IQUB: variants seen among roughly 807,000 people sequenced by gnomAD.
IQUB encodes IQ motif and ubiquitin-like domain-containing protein.
IQUB carries 86 observed loss-of-function variants against 86.4 expected under a neutral mutation model. The ratio of observed to expected loss-of-function variants is 1.00; its 90% CI spans 0.84 to 1.19. IQUB has a LOEUF of 1.19. Among genes scored for constraint, IQUB ranks in the 50% most tolerant of loss-of-function variants. The pLI, the probability that IQUB is intolerant of heterozygous loss-of-function variation, is 0.00. For missense variants in IQUB, 946 were observed against 916.9 expected (o/e 1.03, Z -0.41); for synonymous variants, 289 against 304.5 (o/e 0.95, Z 0.53).
intron 8 of IQUB, among the ~76,000 whole-genome samples, chr7:123,476,458 A>T (rs1563439644): frequency 6.6e-6 from 1 of 152,096 alleles, no homozygotes; most frequent in Non-Finnish European, 1.5e-5. Flanking sequence ...GTATTCAGGG[A>T]GAGATGGCAG....
At chr7:123,507,103 C>A (rs1239462662) in intron 3 of IQUB, among the ~76,000 whole-genome samples, 1 of 152,158 alleles carries the variant, frequency 6.6e-6, no homozygotes, top group East Asian at 1.9e-4. Flanking sequence ...GTGAACACTG[C>A]AAAAGGTTTA....
At chr7:123,453,452 T>C (rs918352252) in intron 12 of IQUB, among the ~76,000 whole-genome samples, 1 of 149,732 alleles carries the variant, frequency 6.7e-6, no homozygotes, top group South Asian at 2.1e-4. Flanking sequence ...TAATTATATA[T>C]ATATAATTGA....
Position 123,502,735 on chromosome 7 carries a change from T to C in IQUB, c.885A>G (p.Lys295=). ...TTGTATTTGTAGTTTGTTGGAGATT[T>C]TTTTTCTGAAAAACTGTCTAAAAGA... The part of the protein sequence containing the change: ...CRDTQTVFQK[K]NLQQTTNTTS... The change falls in exon 6 of 13, where the codon AAA becomes AAG. Residue 295 remains lysine, a synonymous_variant. Coordinates refer to ENST00000324698, the MANE Select transcript of IQUB (RefSeq NM_178827.5). 1.2e-6 allele frequency: 2 copies of C among 1,602,636 alleles called. No individual in the cohort carries two copies. The highest frequency in any genetic ancestry group is 1.7e-6 in the Non-Finnish European group (2 of 1,175,826).
Position 123,503,121 on chromosome 7 carries a change from G to A in IQUB, c.695-5C>T. 1 of 1,611,302 alleles carries A rather than the reference G, an allele frequency of 6.2e-7. No homozygotes were observed. The highest frequency in any genetic ancestry group is 8.5e-7 in the Non-Finnish European group (1 of 1,178,894). ...CCTGCTGGTATTGATCAAGTCCTGA[G>A]AGATAACACCAAGATTCAATGAAAG... is the stretch of plus-strand genomic sequence containing the variant. On this transcript the variant is annotated splice_region_variant and splice_polypyrimidine_tract_variant and intron_variant, in intron 4 of 12. Transcript: ENST00000324698.
At chr7:123,453,286 T>TATATA (rs1300312483) in intron 12 of IQUB, among the ~76,000 whole-genome samples, 147 of 115,462 alleles carry the variant, frequency 1.3e-3, no homozygotes, top group Admixed American at 2.5e-3. Flanking sequence ...ATATATATAT[T>TATATA]ATTAATGTTA....
intron 3 of IQUB, among the ~76,000 whole-genome samples, chr7:123,508,133 A>C (rs1046673331): frequency 6.6e-6 from 1 of 152,162 alleles, no homozygotes; most frequent in Admixed American, 6.5e-5. Flanking sequence ...CATATGACAG[A>C]AGCAGACAGA....
rs150359350 is a variant in IQUB at position 123,521,651 on chromosome 7, AACACACACACAC to A, written c.-4-9319_-4-9308del. On this transcript the variant is annotated intron_variant, in intron 1 of 12. Transcript: ENST00000324698. ...GATGGAGTGAGACCCTGTCTAAATA[AACACACACACAC>A]ACACACACACACACACACAGAGATC... Among the ~76,000 whole-genome samples the A allele has an allele frequency of 4.1e-3, 595 of 144,414 alleles. 1 individual carries two copies. The highest frequency in any genetic ancestry group is 5.7e-3 in the Non-Finnish European group (375 of 66,296). The allele number at this position is 144,414 out of a possible 152,430, so 94.7% of individuals were successfully genotyped here. A position where few individuals can be genotyped will look rare whatever the true frequency, so the allele number is the denominator to read the frequency against.
At chr7:123,501,864 A>ATTTAG (rs1795961068) in intron 6 of IQUB, 1 of 152,122 alleles carries the variant, frequency 6.6e-6, no homozygotes, top group Non-Finnish European at 1.5e-5. Context: ...ATATTCCTTT[A>ATTTAG]TTTGGTGAAA....
At chr7:123,463,992 A>AAATC (rs1253273416) in intron 10 of IQUB, among the ~76,000 whole-genome samples, 1 of 151,690 alleles carries the variant, frequency 6.6e-6, no homozygotes, top group Non-Finnish European at 1.5e-5. Context: ...AGGTTTTTAA[A>AAATC]AATCAGTTTA....
intron 1 of IQUB, among the ~76,000 whole-genome samples, chr7:123,530,261 C>A (rs1379783172): frequency 1.3e-5 from 2 of 151,568 alleles, no homozygotes; most frequent in Admixed American, 6.6e-5. Context: ...CATGGTGAAA[C>A]CCCGTCTCTA....
At chr7:123,475,805 C>T (rs1794725229) in intron 8 of IQUB, among the ~76,000 whole-genome samples, 1 of 152,112 alleles carries the variant, frequency 6.6e-6, no homozygotes, top group African/African-American at 2.4e-5. Flanking sequence ...ACTCTCTTCT[C>T]TGGTGAGGTT....
chr7:123,473,428 A>G (rs1328171872), intron 8 of IQUB, among the ~76,000 whole-genome samples: 1 of 152,250 alleles, frequency 6.6e-6, no homozygotes, highest in Non-Finnish European at 1.5e-5. Context: ...AAGGAAAAAC[A>G]TCTTACAGAA....
At chr7:123,521,485 A>C (rs1796899921) in intron 1 of IQUB, among the ~76,000 whole-genome samples, 1 of 152,090 alleles carries the variant, frequency 6.6e-6, no homozygotes, top group Admixed American at 6.5e-5. Flanking sequence ...TCTACAAAAA[A>C]TACAAACTTA....
chr7:123,493,731 A>ATGTGTGTGTGTGTGTGTGTATGTG (rs1795585403), intron 7 of IQUB, among the ~76,000 whole-genome samples: 12 of 112,564 alleles, frequency 1.1e-4, no homozygotes, highest in Non-Finnish European at 1.8e-4. Context: ...ATGTGTGTGT[A>ATGTGTGTGTGTGTGTGTGTATGTG]TGTGTGTGTG....
At chr7:123,484,868 A>G (rs1008192853) in intron 7 of IQUB, among the ~76,000 whole-genome samples, 4 of 152,122 alleles carry the variant, frequency 2.6e-5, no homozygotes, top group African/African-American at 9.6e-5. Context: ...CTTCCCTGTA[A>G]ATCTATAGTA....
chr7:123,512,076 A>C lies in IQUB; in HGVS notation c.265T>G (p.Ser89Ala). 1 of 1,614,056 alleles carries C rather than the reference A, an allele frequency of 6.2e-7. No individual in the cohort carries two copies. The highest frequency in any genetic ancestry group is 1.3e-5 in the African/African-American group (1 of 75,034). The part of the protein sequence containing the change: ...MEEVISPRQV[S>A]YTPQHHEKQY... Reference sequence around the variant, plus strand: ...TTTTCATGATGTTGCGGAGTATATGAAACTTGTCTTGGTGATATAACCTCT... The same window carrying C: ...TTTTCATGATGTTGCGGAGTATATGCAACTTGTCTTGGTGATATAACCTCT... The change falls in exon 2 of 13, where the codon TCA (serine) becomes GCA (alanine). Residue 89 changes from serine (S) to alanine (A), a missense_variant. By Grantham distance (99) the Ser-to-Ala change is moderately conservative. Coordinates refer to ENST00000324698, the MANE Select transcript of IQUB (RefSeq NM_178827.5).
chr7:123,508,995 C>G (rs1411560541), intron 3 of IQUB, among the ~76,000 whole-genome samples: 1 of 152,098 alleles, frequency 6.6e-6, no homozygotes, highest in African/African-American at 2.4e-5. Context: ...TAAATTTTAG[C>G]TTTTGTATAG....
At position 123,510,003 on chromosome 7, in the gene IQUB, T is replaced by C. The variant is rs1584628778; in HGVS notation, c.430A>G (p.Ile144Val). Residue 144 changes from isoleucine to valine, a missense_variant, in exon 3 of 13, where the codon ATT becomes GTT. Transcript: ENST00000324698. ...KVVLIPVGQE[I>V]VIPFKVDTIL... ...GTATCAACCTTAAAAGGTATTACAA[T>C]TTCCTGGCCCACTGGAATAAGTACA... The C allele has an allele frequency of 1.9e-6, 3 of 1,583,356 alleles. No individual in the cohort carries two copies. Among genetic ancestry groups the C allele is most frequent in the Non-Finnish European group, 2.6e-6 (3 of 1,159,126 alleles).
In IQUB at chr7:123,469,215, T is replaced by C; in HGVS notation, c.1580A>G (p.Lys527Arg). Residue 527 changes from lysine to arginine, a missense_variant and splice_region_variant, in exon 9 of 13, where the codon AAG (lysine) becomes AGG (arginine). Lys to Arg is a conservative substitution (Grantham distance 26). Transcript: ENST00000324698. ...CAAACTAAGAGAAAGTTAACATACC[T>C]TTACAGTGTGTTTAAGAGTTAACAG... ...DVLLTLKHTV[K>R]EHECKLTQEI... is the part of the protein sequence containing the mutation. 6.4e-7 allele frequency: 1 copy of C among 1,559,014 alleles called. No individual in the cohort carries two copies.
Sources: gnomAD v4.1 joint callset for allele counts (sites outside exome capture counted in the v4.1 genomes callset) on GRCh38, gnomAD v4.1.1 for gene constraint, MANE v1.5 for transcripts, NCBI Gene and HGNC (gene_info 2026-07-23, HGNC 2026-07-21) for gene names.